The following GNA15 variants were observed in gnomAD, a reference collection of about 807,000 sequenced individuals.
GNA15 encodes the protein guanine nucleotide-binding protein subunit alpha-15.
A neutral mutation model predicts 40.1 loss-of-function variants in GNA15; 23 were observed. The observed-to-expected ratio is 0.57, with a 90% confidence interval of 0.41 to 0.81. GNA15 has a LOEUF of 0.81. Ranked by LOEUF, GNA15 falls within the 40% of genes least tolerant of loss-of-function variation. The pLI is 0.00. For synonymous variants in GNA15, 226 were observed against 210.4 expected (o/e 1.07, Z -0.64); for missense variants, 522 against 515.8 (o/e 1.01, Z -0.12).
intron 5 of GNA15, among the ~76,000 whole-genome samples, chr19:3,156,338 AACACACATGCACC>A (rs941570760): frequency 3.3e-5 from 5 of 151,764 alleles, no homozygotes; most frequent in South Asian, 4.2e-4. Flanking sequence ...CATGCACACG[AACACACATGCACC>A]ACACACATGC....
chr19:3,156,801 C>T (rs996471342), intron 5 of GNA15, among the ~76,000 whole-genome samples: 1 of 151,854 alleles, frequency 6.6e-6, no homozygotes, highest in Admixed American at 6.6e-5. Flanking sequence ...CAGCCAATAG[C>T]CTCTTTTAAT....
At chr19:3,160,887 T>C (rs1915125045) in intron 6 of GNA15, among the ~76,000 whole-genome samples, 1 of 151,970 alleles carries the variant, frequency 6.6e-6, no homozygotes, top group Admixed American at 6.6e-5. Flanking sequence ...TCTCCTGTTG[T>C]TATAAGGCCA....
rs566409381 is a variant in GNA15, at chr19:3,151,244, G to A, written c.486-463G>A. 6.6e-6 allele frequency among the ~76,000 whole-genome samples: 1 copy of A among 152,016 alleles called. No individual in the cohort carries two copies. Among genetic ancestry groups the A allele is most frequent in the East Asian group, 1.9e-4 (1 of 5,154 alleles). On this transcript the variant is annotated intron_variant, in intron 3 of 6. Coordinates refer to ENST00000262958, the MANE Select transcript of GNA15 (RefSeq NM_002068.4). This position sits in a 1 kb window ranked among gnomAD's most constrained non-coding sequence, Gnocchi z 5.0. ...CCTGGAGTGACCCTGTTCCTGGGGG[G>A]ACCCTGTTCCTAAAGTGACCCTGTT...
At chr19:3,137,458 G>A (rs1033642086) in intron 1 of GNA15, among the ~76,000 whole-genome samples, 4 of 152,100 alleles carry the variant, frequency 2.6e-5, no homozygotes, top group African/African-American at 9.7e-5. Flanking sequence ...GACACAGCCA[G>A]GCCAACATGG....
rs555177835 is a variant in GNA15 at position 3,137,133 on chromosome 19, T to G, written c.145+538T>G. 7.4e-4 allele frequency among the ~76,000 whole-genome samples: 112 copies of G among 152,350 alleles called. 1 individual carries two copies. Among genetic ancestry groups the G allele is most frequent in the Non-Finnish European group, 1.3e-3 (90 of 68,028 alleles). On this transcript the variant is annotated intron_variant, in intron 1 of 6. Coordinates refer to ENST00000262958, the MANE Select transcript of GNA15 (RefSeq NM_002068.4). ...CATTCATTATTCATTCATTTAAGAT[T>G]TATTGGGTAGCTCCCAGGAACGAGG... is the stretch of plus-strand genomic sequence containing the variant.
At chr19:3,149,169 A>C (rs544072914) in intron 2 of GNA15, 12 of 200,018 alleles carry the variant, frequency 6.0e-5, no homozygotes, top group South Asian at 1.7e-4. Context: ...AGATGCCCCC[A>C]CACAGATGCA....
intron 4 of GNA15, among the ~76,000 whole-genome samples, chr19:3,153,021 C>A (rs1356458260): frequency 2.6e-5 from 4 of 151,550 alleles, no homozygotes; most frequent in Non-Finnish European, 5.9e-5. Flanking sequence ...GCTCGGGTCC[C>A]CTTCCACGCT....
chr19:3,138,322 T>C (rs1358907706), intron 1 of GNA15, among the ~76,000 whole-genome samples: 1 of 151,342 alleles, frequency 6.6e-6, no homozygotes, highest in African/African-American at 2.4e-5. Flanking sequence ...TCCCGTAGCT[T>C]GTTTCCCCAA....
chr19:3,159,987 C>T (rs879430716), intron 6 of GNA15, among the ~76,000 whole-genome samples: 1 of 152,176 alleles, frequency 6.6e-6, no homozygotes, highest in Non-Finnish European at 1.5e-5. Flanking sequence ...CCCAGAACAC[C>T]ACTGTGAGGA....
At chr19:3,139,225 C>T (rs947827949) in intron 1 of GNA15, among the ~76,000 whole-genome samples, 4 of 152,102 alleles carry the variant, frequency 2.6e-5, no homozygotes, top group Admixed American at 6.6e-5. Context: ...GGATTACAGG[C>T]GTGAGCCACT....
intron 6 of GNA15, among the ~76,000 whole-genome samples, chr19:3,159,597 G>A (rs538662383): frequency 2.0e-5 from 3 of 150,942 alleles, no homozygotes; most frequent in African/African-American, 7.3e-5. Context: ...CACCCGCCTC[G>A]GCCTCAAAGT....
Position 3,148,577 on chromosome 19 carries a change from T to G in GNA15, c.146-14T>G, listed in dbSNP as rs956784895. On this transcript the variant is annotated splice_polypyrimidine_tract_variant and intron_variant, in intron 1 of 6. Transcript: ENST00000262958. Reference sequence around the variant, plus strand: ...CCCGTGGAGGGCTGAGCGGTTCTGCTGCTCCATCCCCAGGCCCAGGCGAGA... The same window carrying G: ...CCCGTGGAGGGCTGAGCGGTTCTGCGGCTCCATCCCCAGGCCCAGGCGAGA... The G allele has an allele frequency of 1.9e-6, 3 of 1,557,422 alleles. No individual in the cohort carries two copies. Among genetic ancestry groups the G allele is most frequent in the Non-Finnish European group, 2.6e-6 (3 of 1,150,396 alleles).
chr19:3,149,091 AC>A, intron 2 of GNA15: 1 of 341,430 alleles, frequency 2.9e-6, no homozygotes. Context: ...ACACCCACAC[AC>A]ATACACAAAT....
chr19:3,145,359 A>ATATTTT lies in GNA15; in HGVS notation c.146-3231_146-3230insATTTTT. ...TAAATATATATATATATATATATAT[A>ATATTTT]TTTTTTTTTTTTTGTAGAGATGGGG... On this transcript the variant is annotated intron_variant, in intron 1 of 6. Coordinates refer to ENST00000262958, the MANE Select transcript of GNA15 (RefSeq NM_002068.4). Among the ~76,000 whole-genome samples, 320 of 46,964 alleles carry ATATTTT rather than the reference A, an allele frequency of 6.8e-3. 6 individuals are homozygous for ATATTTT. The highest frequency in any genetic ancestry group is 8.4e-3 in the Non-Finnish European group (217 of 25,718). 30.8% of individuals were successfully genotyped at this position (46,964 alleles called of 152,430 possible).
chr19:3,155,734 A>C lies in GNA15; in HGVS notation c.615-89A>C. On this transcript the variant is annotated intron_variant, in intron 4 of 6. Coordinates refer to ENST00000262958, the MANE Select transcript of GNA15 (RefSeq NM_002068.4). This position sits in a 1 kb window ranked among gnomAD's most constrained non-coding sequence, Gnocchi z 5.6. ...CCTATTCTTGCTGTCGCTATTATGG[A>C]TCTTGGCATATCCCAGACGTGATGG... 1 of 1,440,000 alleles carries C rather than the reference A, an allele frequency of 6.9e-7. No individual in the cohort carries two copies. Among genetic ancestry groups the C allele is most frequent in the South Asian group, 1.3e-5 (1 of 77,846 alleles). The allele number at this position is 1,440,000 out of a possible 1,614,324, so 89.2% of individuals were successfully genotyped here.
At chr19:3,143,858 C>T (rs915905749) in intron 1 of GNA15, among the ~76,000 whole-genome samples, 3 of 151,406 alleles carry the variant, frequency 2.0e-5, no homozygotes, top group Non-Finnish European at 2.9e-5. Context: ...CAGTGGCTCA[C>T]GCCTGTAATC....
chr19:3,156,258 T>C (rs183977484), intron 5 of GNA15, among the ~76,000 whole-genome samples: 37 of 138,958 alleles, frequency 2.7e-4, no homozygotes, highest in African/African-American at 9.9e-4. Context: ...CACAGACACG[T>C]GCATAATACA....
rs560609094 is a variant in GNA15, at chr19:3,163,042, C to T, written c.*23C>T. ...TGACCCAGGCCCCACCTGGGGCAGG[C>T]GGCACCGGCGGGCGGGTGGGAGGTG... is the stretch of plus-strand genomic sequence containing the variant. On this transcript the variant is annotated 3_prime_UTR_variant, in exon 7 of 7. Transcript: ENST00000262958. 1.1e-4 allele frequency: 166 copies of T among 1,526,602 alleles called. 3 individuals are homozygous for T. In the South Asian group the frequency reaches 1.7e-3, roughly 15 times the overall value. 94.6% of individuals were successfully genotyped at this position (1,526,602 alleles called of 1,614,324 possible). A position where few individuals can be genotyped will look rare whatever the true frequency, so the allele number is the denominator to read the frequency against.
chr19:3,157,561 C>A (rs1249620852), intron 5 of GNA15, among the ~76,000 whole-genome samples, 167 bp from the exon 6 acceptor site: 1 of 152,186 alleles, frequency 6.6e-6, no homozygotes, highest in Non-Finnish European at 1.5e-5. Context: ...TCAGGCACAC[C>A]CAGGCAGCTG....
Sources: allele counts gnomAD v4.1 joint callset (sites outside exome capture counted in the v4.1 genomes callset), GRCh38; gene constraint gnomAD v4.1.1; non-coding constraint Gnocchi (gnomAD v3.1); transcripts MANE v1.5; gene names NCBI Gene and HGNC (gene_info 2026-07-23, HGNC 2026-07-21).